CLSTN2: variants seen among roughly 807,000 people sequenced by gnomAD.
The protein encoded by CLSTN2 is calsyntenin 2.
A neutral mutation model predicts 101.2 loss-of-function variants in CLSTN2; 48 were observed. That is an observed-to-expected ratio of 0.47 (90% CI 0.38 to 0.60). The LOEUF (loss-of-function observed/expected upper bound fraction) is 0.60. CLSTN2 is among the 20% of genes least tolerant of loss of function. The pLI is 0.00. For missense variants in CLSTN2, 1,160 were observed against 1,238.2 expected, an observed-to-expected ratio of 0.94 and a Z score of 0.95; for synonymous variants, 481 against 463.6, an observed-to-expected ratio of 1.04 and a Z score of -0.48.
At chr3:140,405,818 A>G (rs1326585654) in intron 4 of CLSTN2, among the ~76,000 whole-genome samples, 1 of 152,220 alleles carries the variant, frequency 6.6e-6, no homozygotes, top group Non-Finnish European at 1.5e-5. Flanking sequence ...TTGTTTAATT[A>G]TTAGTGTGAG....
intron 8 of CLSTN2, among the ~76,000 whole-genome samples, chr3:140,503,088 T>C (rs1044808988): frequency 6.6e-6 from 1 of 152,230 alleles, no homozygotes; most frequent in Non-Finnish European, 1.5e-5. Flanking sequence ...ATTCAACCTC[T>C]TCTTCATTCA....
rs1469119441 is a variant in CLSTN2 at position 140,481,768 on chromosome 3, A to C, written c.1344+15037A>C. ...TCTGTTTGTCTGTTATTGGTGTATA[A>C]GAATGCTTGTGATTTTTGCACATTG... On this transcript the variant is annotated intron_variant, in intron 8 of 16. Transcript: ENST00000458420. Among the ~76,000 whole-genome samples, 4 of 152,270 alleles carry C rather than the reference A, an allele frequency of 2.6e-5. No individual in the cohort carries two copies. In the East Asian group the frequency reaches 7.7e-4, roughly 29 times the overall value.
intron 2 of CLSTN2, among the ~76,000 whole-genome samples, chr3:140,228,587 C>T (rs993985960): frequency 5.3e-5 from 8 of 152,272 alleles, no homozygotes; most frequent in Admixed American, 1.3e-4. Context: ...CTTGTAGTAC[C>T]AACTTACTGT....
At chr3:140,137,918 T>C (rs2107807526) in intron 1 of CLSTN2, among the ~76,000 whole-genome samples, 1 of 152,328 alleles carries the variant, frequency 6.6e-6, no homozygotes, top group East Asian at 1.9e-4. Flanking sequence ...CGCTTTCGCC[T>C]TCCCTATTAC....
intron 1 of CLSTN2, among the ~76,000 whole-genome samples, chr3:140,163,895 A>G (rs1300523493): frequency 6.6e-6 from 1 of 151,990 alleles, no homozygotes; most frequent in Non-Finnish European, 1.5e-5. Context: ...TGGTTTGTCA[A>G]TGGCAATTAC....
rs545599885 is a variant in CLSTN2 at position 140,425,287 on chromosome 3, C to T, written c.787+4013C>T. Among the ~76,000 whole-genome samples, 230 of 152,322 alleles carry T rather than the reference C, an allele frequency of 1.5e-3. 1 individual carries two copies. Among genetic ancestry groups the T allele is most frequent in the Non-Finnish European group, 2.7e-3 (184 of 68,028 alleles). On this transcript the variant is annotated intron_variant, in intron 5 of 16. Coordinates refer to ENST00000458420, the MANE Select transcript of CLSTN2 (RefSeq NM_022131.3). Reference sequence around the variant, plus strand: ...ACAGCTGGAGCCTTTCCTTCCTTCGCAGGGCCCATGAGGACTTGCTCTCAG... The same window carrying T: ...ACAGCTGGAGCCTTTCCTTCCTTCGTAGGGCCCATGAGGACTTGCTCTCAG...
At chr3:140,292,074 T>A (rs2086959578) in intron 2 of CLSTN2, among the ~76,000 whole-genome samples, 1 of 152,130 alleles carries the variant, frequency 6.6e-6, no homozygotes, top group Non-Finnish European at 1.5e-5. Flanking sequence ...TCAAAGACTT[T>A]CAATGTCTTT....
intron 9 of CLSTN2, among the ~76,000 whole-genome samples, chr3:140,535,332 A>T (rs1240456095): frequency 6.6e-6 from 1 of 152,164 alleles, no homozygotes; most frequent in Non-Finnish European, 1.5e-5. Flanking sequence ...CCCGGAAGAT[A>T]TTTCCTTCCT....
intron 1 of CLSTN2, among the ~76,000 whole-genome samples, chr3:140,136,362 A>G (rs2009615562): frequency 6.6e-6 from 1 of 152,240 alleles, no homozygotes; most frequent in Non-Finnish European, 1.5e-5. Flanking sequence ...CTGAACTTTA[A>G]GAGCTATATC....
chr3:140,146,930 G>T (rs957864021), intron 1 of CLSTN2, among the ~76,000 whole-genome samples: 1 of 152,174 alleles, frequency 6.6e-6, no homozygotes, highest in African/African-American at 2.4e-5. Flanking sequence ...TATCTATTCA[G>T]CACTAAGCTC....
chr3:140,092,281 T>C (rs990212064), intron 1 of CLSTN2, among the ~76,000 whole-genome samples: 1 of 152,192 alleles, frequency 6.6e-6, no homozygotes, highest in African/African-American at 2.4e-5. Flanking sequence ...TGCTGGATAA[T>C]TCTGCCAGGA....
chr3:139,989,498 A>G (rs1260330121), intron 1 of CLSTN2, among the ~76,000 whole-genome samples: 1 of 150,022 alleles, frequency 6.7e-6, no homozygotes, highest in Non-Finnish European at 1.5e-5. Context: ...AGTCTCCGCC[A>G]CTCTCCATCC....
chr3:140,401,098 T>C (rs2088236396), intron 2 of CLSTN2, among the ~76,000 whole-genome samples: 1 of 152,250 alleles, frequency 6.6e-6, no homozygotes, highest in Admixed American at 6.5e-5. Flanking sequence ...GGTTTACCAG[T>C]GCTTGGCACA....
intron 1 of CLSTN2, among the ~76,000 whole-genome samples, chr3:139,951,926 G>A (rs1259877449): frequency 6.6e-6 from 1 of 152,092 alleles, no homozygotes; most frequent in Non-Finnish European, 1.5e-5. Flanking sequence ...ATTTATAGAG[G>A]TGAGGGTTTT....
chr3:140,039,609 G>C (rs1223222473), intron 1 of CLSTN2, among the ~76,000 whole-genome samples: 1 of 152,154 alleles, frequency 6.6e-6, no homozygotes, highest in Non-Finnish European at 1.5e-5. Flanking sequence ...TTAAGGGCCT[G>C]TCTTAAAAAT....
chr3:140,209,039 C>T (rs2010820856), intron 2 of CLSTN2, among the ~76,000 whole-genome samples: 1 of 152,180 alleles, frequency 6.6e-6, no homozygotes, highest in African/African-American at 2.4e-5. Context: ...TCTTTACTAC[C>T]ATTGCAGCAC....
intron 2 of CLSTN2, among the ~76,000 whole-genome samples, chr3:140,259,903 G>C (rs1388654460): frequency 6.6e-6 from 1 of 151,908 alleles, no homozygotes; most frequent in Non-Finnish European, 1.5e-5. Context: ...ACAGATCTGT[G>C]TACTTTGTTC....
intron 1 of CLSTN2, among the ~76,000 whole-genome samples, chr3:140,054,732 AT>A (rs1364274177): frequency 6.6e-6 from 1 of 152,240 alleles, no homozygotes; most frequent in Non-Finnish European, 1.5e-5. Flanking sequence ...AGACAAATTC[AT>A]TAGAGGAGGT....
chr3:140,542,610 A>G (rs773121217), intron 9 of CLSTN2, among the ~76,000 whole-genome samples: 7 of 152,158 alleles, frequency 4.6e-5, no homozygotes, highest in Non-Finnish European at 7.3e-5. Context: ...ATATATTTCA[A>G]ATTTTATACT....
Sources: allele counts gnomAD v4.1 joint callset (sites outside exome capture counted in the v4.1 genomes callset), GRCh38; gene constraint gnomAD v4.1.1; transcripts MANE v1.5; gene names NCBI Gene and HGNC (gene_info 2026-07-23, HGNC 2026-07-21).